Variants in DPY19L2 observed in about 807,000 individuals in gnomAD.
DPY19L2 encodes the protein probable C-mannosyltransferase DPY19L2.
A neutral mutation model predicts 97.9 loss-of-function variants in DPY19L2; 34 were observed. The observed-to-expected ratio is 0.35, with a 90% confidence interval of 0.26 to 0.46. DPY19L2 has a LOEUF of 0.46. Ranked by LOEUF, DPY19L2 falls within the 20% of genes least tolerant of loss-of-function variation. The pLI is 1.00. For missense variants in DPY19L2, 623 were observed against 911.4 expected, an observed-to-expected ratio of 0.68 and a Z score of 4.07; for synonymous variants, 230 against 307.9, an observed-to-expected ratio of 0.75 and a Z score of 2.65.
chr12:63,598,904 G>A (rs1424314278), intron 13 of DPY19L2, among the ~76,000 whole-genome samples: 1 of 151,494 alleles, frequency 6.6e-6, no homozygotes, highest in African/African-American at 2.4e-5. Flanking sequence ...AGGCATGGTG[G>A]TTCACACCTG....
intron 8 of DPY19L2, chr12:63,623,729 G>T: frequency 4.5e-6 from 1 of 222,824 alleles, no homozygotes; most frequent in Non-Finnish European, 9.2e-6. Flanking sequence ...TTTTTAGAGG[G>T]AGTCTTGCTC....
chr12:63,666,289 G>A (rs879399725), intron 1 of DPY19L2, among the ~76,000 whole-genome samples: 1 of 152,092 alleles, frequency 6.6e-6, no homozygotes, highest in Admixed American at 6.5e-5. Context: ...ATCAGAAGAT[G>A]ATTAAATGCA....
chr12:63,612,670 A>G (rs1887212911), intron 11 of DPY19L2, among the ~76,000 whole-genome samples: 1 of 151,570 alleles, frequency 6.6e-6, no homozygotes, highest in Non-Finnish European at 1.5e-5. Flanking sequence ...AAATGAGGTA[A>G]TAAAGAATGA....
At chr12:63,592,887 T>C (rs1883391607) in intron 16 of DPY19L2, among the ~76,000 whole-genome samples, 1 of 151,868 alleles carries the variant, frequency 6.6e-6, no homozygotes, top group African/African-American at 2.4e-5. Flanking sequence ...CACAACCTAC[T>C]CATCTGACAA....
chr12:63,584,870 T>C (rs941051706), intron 16 of DPY19L2, among the ~76,000 whole-genome samples: 10 of 152,196 alleles, frequency 6.6e-5, no homozygotes, highest in Admixed American at 3.9e-4. Flanking sequence ...TAAGAACAAA[T>C]CTACCCATGA....
intron 8 of DPY19L2, among the ~76,000 whole-genome samples, chr12:63,623,559 C>A (rs531272901): frequency 6.6e-6 from 1 of 151,994 alleles, no homozygotes; most frequent in African/African-American, 2.4e-5. Context: ...AAACCTGTAG[C>A]CTACACTCTT....
chr12:63,664,058 CA>C (rs535907486), intron 2 of DPY19L2, among the ~76,000 whole-genome samples: 2,104 of 152,152 alleles, frequency 0.014, 25 homozygotes, highest in Non-Finnish European at 0.021. Flanking sequence ...TAACTGTGGC[CA>C]GGTACGTTGC....
intron 15 of DPY19L2, among the ~76,000 whole-genome samples, chr12:63,594,491 G>GTGTGTGTGTGTGTGTGTGTGTGTGTGTA (rs58963302): frequency 6.9e-6 from 1 of 144,544 alleles, no homozygotes; most frequent in African/African-American, 2.7e-5. Flanking sequence ...GTGTGTGTGT[G>GTGTGTGTGTGTGTGTGTGTGTGTGTGTA]TATGAAACTT....
rs1407890385 is a variant in DPY19L2 at position 63,624,058 on chromosome 12, A to G, written c.935T>C (p.Ile312Thr). 1 of 1,610,352 alleles carries G rather than the reference A, an allele frequency of 6.2e-7. No homozygotes were observed. Among genetic ancestry groups the G allele is most frequent in the Non-Finnish European group, 8.5e-7 (1 of 1,178,548 alleles). Reference protein sequence around the residue: ...SYPFLVLQMCILTLILRTSSN... With the variant: ...SYPFLVLQMCTLTLILRTSSN... The stretch of plus-strand genomic sequence containing the variant: ...AAGTTACCTGAGAATCAAAGTTAAA[A>G]TACACATCTGAAGTACAAGGAAAGG... The change falls in exon 8 of 22, where the codon ATT becomes ACT. Residue 312 changes from isoleucine (I) to threonine (T), a missense_variant. Physicochemically the swap from Ile to Thr is moderately conservative, Grantham distance 89 (BLOSUM62 -1). Transcript: ENST00000324472.
intron 19 of DPY19L2, among the ~76,000 whole-genome samples, chr12:63,576,030 T>C (rs1879747111): frequency 6.6e-6 from 1 of 151,960 alleles, no homozygotes; most frequent in African/African-American, 2.4e-5. Flanking sequence ...TTAATGTTAA[T>C]GCAAAAATCC....
intron 4 of DPY19L2, among the ~76,000 whole-genome samples, chr12:63,649,333 T>C (rs1405922997): frequency 2.0e-5 from 3 of 151,658 alleles, no homozygotes; most frequent in Admixed American, 1.3e-4. Context: ...AAATCAGAGA[T>C]GAACTGAATG....
intron 6 of DPY19L2, among the ~76,000 whole-genome samples, chr12:63,642,000 G>A (rs1477554417): frequency 2.0e-5 from 3 of 152,070 alleles, no homozygotes; most frequent in African/African-American, 7.2e-5. Flanking sequence ...TTTTCTTTAT[G>A]ACTAATGATG....
chr12:63,631,414 C>T (rs1649099591), intron 6 of DPY19L2, among the ~76,000 whole-genome samples: 1 of 152,032 alleles, frequency 6.6e-6, no homozygotes, highest in African/African-American at 2.4e-5. Flanking sequence ...TACAAACTAC[C>T]ATCAGAGAAT....
At chr12:63,641,622 G>C (rs144349376) in intron 6 of DPY19L2, among the ~76,000 whole-genome samples, 2,381 of 151,830 alleles carry the variant, frequency 0.016, 59 homozygotes, top group African/African-American at 0.054. Flanking sequence ...ATTCAACCAT[G>C]TTGTGTGTAG....
intron 12 of DPY19L2, among the ~76,000 whole-genome samples, chr12:63,600,881 G>A (rs988748111): frequency 2.6e-5 from 4 of 151,478 alleles, no homozygotes; most frequent in African/African-American, 7.3e-5. Context: ...CGCCTCCCGG[G>A]TTCACGGCAT....
chr12:63,593,444 G>A (rs1291254222), intron 16 of DPY19L2, among the ~76,000 whole-genome samples: 1 of 152,076 alleles, frequency 6.6e-6, no homozygotes, highest in African/African-American at 2.4e-5. Flanking sequence ...TATACACCAT[G>A]GAATACTATG....
chr12:63,567,304 C>T (rs1482993069), intron 21 of DPY19L2, among the ~76,000 whole-genome samples: 3 of 151,998 alleles, frequency 2.0e-5, no homozygotes, highest in African/African-American at 4.8e-5. Context: ...CAGGCTTATC[C>T]ATATCTAGGC....
chr12:63,567,785 G>C (rs1264175593), intron 21 of DPY19L2, among the ~76,000 whole-genome samples: 1 of 152,032 alleles, frequency 6.6e-6, no homozygotes, highest in Admixed American at 6.6e-5. Flanking sequence ...TCATTAAATA[G>C]AGAATTGTTG....
In DPY19L2 at chr12:63,668,064, G is replaced by C. The variant is rs771072879; in HGVS notation, c.330C>G (p.Leu110=). 1.2e-6 allele frequency: 2 copies of C among 1,613,690 alleles called. No homozygotes were observed. The highest frequency in any genetic ancestry group is 1.7e-6 in the Non-Finnish European group (2 of 1,179,830). Residue 110 remains leucine (L), a synonymous_variant, in exon 1 of 22, where the codon CTC becomes CTG. Transcript: ENST00000324472. ...QARRFSSRTT[L]GIAVFVAILH... is the part of the protein sequence containing the mutation. ...CTCCTGCCCTCTCCTCACCGATGCC[G>C]AGAGTGGTTCTGCTGGAGAACCGCC... is the stretch of plus-strand genomic sequence containing the variant.
Sources: allele counts gnomAD v4.1 joint callset (sites outside exome capture counted in the v4.1 genomes callset), GRCh38; gene constraint gnomAD v4.1.1; transcripts MANE v1.5; gene names NCBI Gene and HGNC (gene_info 2026-07-23, HGNC 2026-07-21).